The following TIMP2 variants were observed in gnomAD, a reference collection of about 807,000 sequenced individuals.
The protein encoded by TIMP2 is metalloproteinase inhibitor 2.
TIMP2 carries 5 observed loss-of-function variants against 24.3 expected under a neutral mutation model. The observed-to-expected ratio is 0.21, with a 90% CI of 0.11 to 0.43. The LOEUF is 0.43. Among genes scored for constraint, TIMP2 ranks in the 20% least tolerant of loss-of-function variants. TIMP2 has a pLI of 1.00. For missense variants in TIMP2, 221 were observed against 297.5 expected, an observed-to-expected ratio of 0.74 and a Z score of 1.89; for synonymous variants, 130 against 123.2, an observed-to-expected ratio of 1.06 and a Z score of -0.37.
intron 1 of TIMP2, among the ~76,000 whole-genome samples, chr17:78,881,280 T>G (rs8069845): frequency 6.6e-6 from 1 of 152,230 alleles, no homozygotes; most frequent in Non-Finnish European, 1.5e-5. Context: ...AAGCGCCTCC[T>G]TCCCCTCTGT....
intron 1 of TIMP2, among the ~76,000 whole-genome samples, chr17:78,918,584 T>C (rs1453316220): frequency 1.3e-5 from 2 of 152,202 alleles, no homozygotes; most frequent in Non-Finnish European, 2.9e-5. Flanking sequence ...GGGCAGCTCA[T>C]CTGCCTGCTT....
intron 3 of TIMP2, among the ~76,000 whole-genome samples, chr17:78,865,326 T>A (rs2069602128): frequency 6.6e-6 from 1 of 152,040 alleles, no homozygotes; most frequent in South Asian, 2.1e-4. Context: ...CACAACACTG[T>A]GAATGTACTT....
chr17:78,885,205 G>C (rs1304036945), intron 1 of TIMP2, among the ~76,000 whole-genome samples: 1 of 152,252 alleles, frequency 6.6e-6, no homozygotes, highest in East Asian at 1.9e-4. Flanking sequence ...ACAAGGCAGG[G>C]AGCAAAGATG....
intron 1 of TIMP2, among the ~76,000 whole-genome samples, chr17:78,884,924 A>AAGATGGAC (rs1464314733): frequency 1.3e-5 from 2 of 152,170 alleles, no homozygotes; most frequent in Non-Finnish European, 2.9e-5. Context: ...GTGCGGAGAG[A>AAGATGGAC]AGATGGACGC....
intron 1 of TIMP2, among the ~76,000 whole-genome samples, chr17:78,909,771 C>T (rs1338247506): frequency 6.6e-6 from 1 of 152,168 alleles, no homozygotes; most frequent in Non-Finnish European, 1.5e-5. Flanking sequence ...TGCTGGCACT[C>T]CTGGCTTTCT....
intron 1 of TIMP2, among the ~76,000 whole-genome samples, chr17:78,882,068 G>A (rs1421440897): frequency 1.3e-5 from 2 of 152,212 alleles, no homozygotes; most frequent in East Asian, 1.9e-4. Context: ...GGGTTCAAGC[G>A]ATTCTCCTGC....
At chr17:78,893,030 C>G (rs1340837830) in intron 1 of TIMP2, among the ~76,000 whole-genome samples, 1 of 152,010 alleles carries the variant, frequency 6.6e-6, no homozygotes, top group East Asian at 1.9e-4. Flanking sequence ...GAGGAAGAGA[C>G]GGGGCAGGGA....
chr17:78,892,087 G>T, intron 1 of TIMP2: 1 of 1,551,880 alleles, frequency 6.4e-7, no homozygotes, highest in Non-Finnish European at 8.7e-7. Context: ...CTCCTCCCCA[G>T]CCCAACAGAC....
At chr17:78,892,864 C>T (rs879450187) in intron 1 of TIMP2, among the ~76,000 whole-genome samples, 6 of 152,116 alleles carry the variant, frequency 3.9e-5, no homozygotes, top group Non-Finnish European at 5.9e-5. Flanking sequence ...TCAGTAGTGC[C>T]GAGACTGACA....
At chr17:78,917,986 G>A (rs530395503) in intron 1 of TIMP2, among the ~76,000 whole-genome samples, 10 of 152,096 alleles carry the variant, frequency 6.6e-5, no homozygotes, top group African/African-American at 9.6e-5. Flanking sequence ...GTGACTTGAC[G>A]TTTGGAGGGC....
At chr17:78,879,420 A>T (rs563372694) in intron 1 of TIMP2, among the ~76,000 whole-genome samples, 1 of 152,302 alleles carries the variant, frequency 6.6e-6, no homozygotes, top group Admixed American at 6.5e-5. Flanking sequence ...AAGCGAAGAG[A>T]CATAAGGAAT....
chr17:78,876,063 C>T (rs566958872), intron 1 of TIMP2, among the ~76,000 whole-genome samples: 185 of 152,326 alleles, frequency 1.2e-3, no homozygotes, highest in African/African-American at 4.1e-3. Flanking sequence ...CCAGAACAGA[C>T]GGCTTTGCCC....
chr17:78,890,620 C>CG, intron 1 of TIMP2: 1 of 1,545,442 alleles, frequency 6.5e-7, no homozygotes, highest in African/African-American at 1.4e-5. Context: ...GTATTTACCC[C>CG]GGGTGGGCCT....
At chr17:78,893,908 C>T (rs893764885) in intron 1 of TIMP2, among the ~76,000 whole-genome samples, 8 of 152,124 alleles carry the variant, frequency 5.3e-5, no homozygotes, top group African/African-American at 1.9e-4. Flanking sequence ...TAGCTGATGC[C>T]AGAAACAGCC....
chr17:78,886,382 AT>A (rs11292519), intron 1 of TIMP2, among the ~76,000 whole-genome samples: 11,832 of 152,108 alleles, frequency 0.078, 516 homozygotes, highest in Middle Eastern at 0.13. Context: ...CGGCTACTCA[AT>A]GTTTGGGCCC....
chr17:78,866,252 C>T (rs2145750328), intron 3 of TIMP2, among the ~76,000 whole-genome samples: 1 of 152,306 alleles, frequency 6.6e-6, no homozygotes, highest in East Asian at 1.9e-4. Flanking sequence ...CAGACCATGC[C>T]TCTGCCACGC....
Position 78,855,256 on chromosome 17 carries a change from TAC to T in TIMP2, c.*409_*410del, listed in dbSNP as rs1201034451. The T allele has an allele frequency of 4.4e-6, 1 of 226,874 alleles. No homozygotes were observed. Among genetic ancestry groups the T allele is most frequent in the Non-Finnish European group, 9.0e-6 (1 of 110,888 alleles). The allele number at this position is 226,874 out of a possible 1,614,324, so 14.1% of individuals were successfully genotyped here. A position where few individuals can be genotyped will look rare whatever the true frequency, so the allele number is the denominator to read the frequency against. On this transcript the variant is annotated 3_prime_UTR_variant, in exon 5 of 5. Transcript: ENST00000262768. The surrounding 1 kb of genome is among the most constrained non-coding windows in gnomAD (Gnocchi z 6.0). The stretch of plus-strand genomic sequence containing the variant: ...GATGAAAGGGACCTGGTAGGCCTGC[TAC>T]ACAGTCTTGCAACGACCCTCAAAAG...
rs1255104339 is a variant in TIMP2 at position 78,923,396 on chromosome 17, T to TGGGG, written c.130+1559_130+1562dup. 3.1e-4 allele frequency among the ~76,000 whole-genome samples: 15 copies of TGGGG among 47,694 alleles called. No individual in the cohort carries two copies. The South Asian group carries it at 3.8e-3, about 12-fold the overall frequency. The allele number at this position is 47,694 out of a possible 152,430, so 31.3% of individuals were successfully genotyped here. On this transcript the variant is annotated intron_variant, in intron 1 of 4. Transcript: ENST00000262768. Reference sequence around the variant, plus strand: ...TGAGGAGTGTGTGTGTGGGGCGGGGTGGGGGGGGGGGCGGGAGGGGGAGGG... The same window carrying TGGGG: ...TGAGGAGTGTGTGTGTGGGGCGGGGTGGGGGGGGGGGGGGGCGGGAGGGGGAGGG...
chr17:78,886,145 G>T (rs988057219), intron 1 of TIMP2, among the ~76,000 whole-genome samples: 1 of 152,178 alleles, frequency 6.6e-6, no homozygotes, highest in Non-Finnish European at 1.5e-5. Context: ...GCTGCCAGGG[G>T]ACAGTGCAGG....
Sources: gnomAD v4.1 joint callset for allele counts (sites outside exome capture counted in the v4.1 genomes callset) on GRCh38, gnomAD v4.1.1 for gene constraint, Gnocchi (gnomAD v3.1) non-coding constraint, MANE v1.5 for transcripts, NCBI Gene and HGNC (gene_info 2026-07-23, HGNC 2026-07-21) for gene names.